OSBPL10: variants seen among roughly 807,000 people sequenced by gnomAD.
OSBPL10 encodes the protein oxysterol-binding protein-related protein 10.
In OSBPL10, 49 loss-of-function variants were observed where a neutral mutation model predicts 81.7. That is an observed-to-expected ratio of 0.60 (90% CI 0.48 to 0.76). OSBPL10 has a LOEUF of 0.76. OSBPL10 is among the 30% of genes least tolerant of loss of function. The pLI, the probability that OSBPL10 is intolerant of heterozygous loss-of-function variation, is 0.00. For synonymous variants in OSBPL10, 419 were observed against 383.6 expected, an observed-to-expected ratio of 1.09 and a Z score of -1.08; for missense variants, 923 against 987.8, an observed-to-expected ratio of 0.93 and a Z score of 0.88.
At position 32,012,591 on chromosome 3, in the gene OSBPL10, A is replaced by G. The variant is rs532854889; in HGVS notation, n.298+33900T>C. On this transcript the variant is annotated intron_variant and non_coding_transcript_variant, in intron 2 of 3. Coordinates refer to the OSBPL10 transcript ENST00000479173. ...TGACAGGATTAAATTCACACATAACAATGTTAACCTTAAATGTAAATGGGC... is the reference window on the plus strand; with the variant it reads ...TGACAGGATTAAATTCACACATAACGATGTTAACCTTAAATGTAAATGGGC... 2.6e-5 allele frequency among the ~76,000 whole-genome samples: 4 copies of G among 152,318 alleles called. No individual in the cohort carries two copies. In the East Asian group the frequency reaches 7.7e-4, roughly 29 times the overall value.
exon 1 of OSBPL10, chr3:32,077,573 G>A (rs917578155): frequency 6.6e-6 from 1 of 152,108 alleles, no homozygotes; most frequent in African/African-American, 2.4e-5. Flanking sequence ...GCACGCCACT[G>A]GAAAAAGGAA....
At position 32,035,759 on chromosome 3, in the gene OSBPL10, C is replaced by T. The variant is rs74900030; in HGVS notation, n.298+10732G>A. On this transcript the variant is annotated intron_variant and non_coding_transcript_variant, in intron 2 of 3. Transcript: ENST00000479173. Reference sequence around the variant, plus strand: ...CAGATTTAAAAAGCAAAAAATTAGACGCAAATTTATAGAGACAGATAATAG... The same window carrying T: ...CAGATTTAAAAAGCAAAAAATTAGATGCAAATTTATAGAGACAGATAATAG... Among the ~76,000 whole-genome samples the T allele has an allele frequency of 8.2e-3, 1,252 of 152,068 alleles. 23 individuals are homozygous for T. The East Asian group carries it at 0.089, about 11-fold the overall frequency.
intron 5 of OSBPL10, among the ~76,000 whole-genome samples, chr3:31,743,624 A>C (rs1697427421): frequency 6.6e-6 from 1 of 152,044 alleles, no homozygotes; most frequent in Admixed American, 6.6e-5. Context: ...GAAATACACA[A>C]GATCATAAAT....
chr3:32,027,002 G>A (rs1243789009), intron 2 of OSBPL10, among the ~76,000 whole-genome samples: 2 of 152,182 alleles, frequency 1.3e-5, no homozygotes, highest in East Asian at 3.8e-4. Context: ...GCCGTGGCCA[G>A]TGGAGGAGTC....
At chr3:31,739,194 C>G (rs1473930742) in intron 5 of OSBPL10, among the ~76,000 whole-genome samples, 2 of 152,056 alleles carry the variant, frequency 1.3e-5, no homozygotes, top group East Asian at 3.9e-4. Flanking sequence ...TCTCAAATAA[C>G]TGGGACTACA....
intron 2 of OSBPL10, among the ~76,000 whole-genome samples, chr3:32,002,964 G>T (rs926679274): frequency 2.0e-5 from 3 of 152,170 alleles, no homozygotes; most frequent in African/African-American, 7.2e-5. Context: ...TATGATGAGG[G>T]TTTAATTTAG....
At chr3:32,047,670 T>G (rs940116288) in intron 1 of OSBPL10, among the ~76,000 whole-genome samples, 11 of 144,100 alleles carry the variant, frequency 7.6e-5, no homozygotes, top group African/African-American at 2.0e-4. Context: ...TTGTTTTTTG[T>G]TTTTTTTTTT....
intron 1 of OSBPL10, among the ~76,000 whole-genome samples, chr3:31,970,232 C>T (rs1229695534): frequency 6.6e-6 from 1 of 152,106 alleles, no homozygotes; most frequent in Non-Finnish European, 1.5e-5. Context: ...GCATATTCCT[C>T]CCCCTCCCCA....
chr3:32,067,573 C>G (rs1048987269), intron 1 of OSBPL10, among the ~76,000 whole-genome samples: 2 of 152,180 alleles, frequency 1.3e-5, no homozygotes, highest in East Asian at 1.9e-4. Context: ...GTAAAAATAG[C>G]CTTACTGATG....
upstream of OSBPL10, among the ~76,000 whole-genome samples, chr3:31,985,349 T>C (rs1016956582): frequency 7.2e-5 from 11 of 152,206 alleles, no homozygotes; most frequent in African/African-American, 2.7e-4. Context: ...ATTTTAAACG[T>C]AAATAGAATG....
intron 4 of OSBPL10, among the ~76,000 whole-genome samples, chr3:31,822,869 G>C (rs978699733): frequency 1.5e-5 from 2 of 130,584 alleles, no homozygotes; most frequent in Non-Finnish European, 3.1e-5. Flanking sequence ...AGTCATGATT[G>C]ATCTGCTATA....
intron 4 of OSBPL10, among the ~76,000 whole-genome samples, chr3:31,780,351 T>C (rs1698660001): frequency 6.6e-6 from 1 of 152,036 alleles, no homozygotes; most frequent in South Asian, 2.1e-4. Context: ...TAGCATTAAA[T>C]GCCTACATTG....
intron 1 of OSBPL10, among the ~76,000 whole-genome samples, chr3:31,928,823 G>A (rs1196471317): frequency 1.3e-5 from 2 of 150,390 alleles, no homozygotes; most frequent in Non-Finnish European, 2.9e-5. Flanking sequence ...AACCCCAACT[G>A]GACTAGAAGT....
chr3:32,068,616 T>C (rs557331684), intron 1 of OSBPL10, among the ~76,000 whole-genome samples: 1 of 152,196 alleles, frequency 6.6e-6, no homozygotes, highest in African/African-American at 2.4e-5. Context: ...TTGACAATGG[T>C]TCTAAATGGC....
At chr3:31,792,942 G>A (rs1220287067) in intron 4 of OSBPL10, among the ~76,000 whole-genome samples, 2 of 151,408 alleles carry the variant, frequency 1.3e-5, no homozygotes, top group East Asian at 3.9e-4. Flanking sequence ...CATACTGGAT[G>A]TTTCTGGAAG....
At chr3:31,943,089 A>G (rs1697582872) in intron 1 of OSBPL10, among the ~76,000 whole-genome samples, 1 of 152,224 alleles carries the variant, frequency 6.6e-6, no homozygotes, top group Non-Finnish European at 1.5e-5. Flanking sequence ...ATTTCATACA[A>G]TGGGAAGCAT....
At chr3:31,761,819 A>C (rs1698051501) in intron 4 of OSBPL10, among the ~76,000 whole-genome samples, 1 of 148,564 alleles carries the variant, frequency 6.7e-6, no homozygotes, top group Non-Finnish European at 1.5e-5. Flanking sequence ...TCTCTAAAAA[A>C]AAAAAAAAAA....
intron 6 of OSBPL10, among the ~76,000 whole-genome samples, chr3:31,727,133 T>C (rs1478052345): frequency 2.0e-5 from 3 of 152,144 alleles, no homozygotes; most frequent in Admixed American, 6.5e-5. Context: ...ATACCCAGGC[T>C]TAAATTTATT....
At chr3:31,799,379 T>TAAAAAAA (rs61157535) in intron 4 of OSBPL10, among the ~76,000 whole-genome samples, 1 of 56,244 alleles carries the variant, frequency 1.8e-5, no homozygotes, top group Non-Finnish European at 3.2e-5. Flanking sequence ...CCTATCTCTT[T>TAAAAAAA]AAAAAAAAAA....
Sources: gnomAD v4.1 joint callset for allele counts (sites outside exome capture counted in the v4.1 genomes callset) on GRCh38, gnomAD v4.1.1 for gene constraint, MANE v1.5 for transcripts, NCBI Gene and HGNC (gene_info 2026-07-23, HGNC 2026-07-21) for gene names.